Variants in GINM1 observed in about 807,000 individuals in gnomAD.
The protein encoded by GINM1 is glycoprotein integral membrane protein 1.
Under a neutral mutation model 37.8 loss-of-function variants are expected in GINM1, and 29 were observed. That is an observed-to-expected ratio of 0.77 (90% CI 0.57 to 1.05). The LOEUF is 1.05. Ranked by LOEUF, GINM1 falls within the 50% of genes least tolerant of loss-of-function variation. The probability of loss-of-function intolerance (pLI) is 0.00; values close to 1 mark genes in which losing one functional copy is unlikely to be tolerated. For missense variants in GINM1, 377 were observed against 397.9 expected (o/e 0.95, Z 0.45); for synonymous variants, 143 against 146.2 (o/e 0.98, Z 0.16).
intron 3 of GINM1, among the ~76,000 whole-genome samples, chr6:149,574,902 T>G (rs1342728119): frequency 6.6e-6 from 1 of 152,122 alleles, no homozygotes; most frequent in African/African-American, 2.4e-5. Flanking sequence ...ATAAATAAAT[T>G]TGTACTTTTA....
At chr6:149,582,364 T>A (rs918223239) in intron 6 of GINM1, 76 bp from the exon 7 acceptor site, 9 of 1,272,794 alleles carry the variant, frequency 7.1e-6, no homozygotes, top group Non-Finnish European at 1.0e-5. Context: ...ATCCCAAAGC[T>A]AAAACATTAA....
chr6:149,590,558 GTGACTT>G (rs1778139211), intron 7 of GINM1, among the ~76,000 whole-genome samples, 163 bp from the exon 8 acceptor site: 1 of 152,190 alleles, frequency 6.6e-6, no homozygotes, highest in East Asian at 1.9e-4. Context: ...TTTGGTTAAA[GTGACTT>G]TGGGCTCAGT....
In GINM1 at chr6:149,566,441, C is replaced by G. The variant is rs768725483; in HGVS notation, c.27C>G (p.Leu9=). Residue 9 remains leucine (L), a synonymous_variant, in exon 1 of 8, where the codon CTC becomes CTG. Transcript: ENST00000367419. The surrounding 1 kb of genome is among the most constrained non-coding windows in gnomAD (Gnocchi z 4.4). The part of the protein sequence containing the change: MEGAPPGS[L]ALRLLLFVAL... ...TGGAGGGCGCTCCACCGGGGTCGCTCGCCCTCCGGCTCCTGCTGTTCGTGG... is the reference window on the plus strand; with the variant it reads ...TGGAGGGCGCTCCACCGGGGTCGCTGGCCCTCCGGCTCCTGCTGTTCGTGG... 1 of 1,572,360 alleles carries G rather than the reference C, an allele frequency of 6.4e-7. No homozygotes were observed. The highest frequency in any genetic ancestry group is 8.5e-7 in the Non-Finnish European group (1 of 1,169,996).
At chr6:149,570,969 AT>A (rs1418021109) in intron 1 of GINM1, among the ~76,000 whole-genome samples, 1 of 152,172 alleles carries the variant, frequency 6.6e-6, no homozygotes, top group African/African-American at 2.4e-5. Flanking sequence ...TTGAGAGGCA[AT>A]AAAATTGGAG....
chr6:149,570,345 A>C (rs1777800912), intron 1 of GINM1, among the ~76,000 whole-genome samples: 1 of 151,736 alleles, frequency 6.6e-6, no homozygotes, highest in Non-Finnish European at 1.5e-5. Flanking sequence ...TTTGCAAAGG[A>C]GATCCATATG....
At chr6:149,586,515 T>C (rs1398800845) in intron 7 of GINM1, among the ~76,000 whole-genome samples, 1 of 152,238 alleles carries the variant, frequency 6.6e-6, no homozygotes, top group East Asian at 1.9e-4. Flanking sequence ...AAACCCAGCT[T>C]TGGAAAGATT....
chr6:149,579,695 CAAAAA>C (rs552907905), intron 4 of GINM1, 134 bp from the exon 5 acceptor site: 4 of 392,638 alleles, frequency 1.0e-5, no homozygotes, highest in East Asian at 4.2e-5. Context: ...AACTCCATCT[CAAAAA>C]AAAAAAAAAA....
intron 1 of GINM1, among the ~76,000 whole-genome samples, chr6:149,571,549 A>G (rs1478746113): frequency 6.6e-6 from 1 of 151,870 alleles, no homozygotes; most frequent in African/African-American, 2.4e-5. Flanking sequence ...CATATTGTTT[A>G]GAGAGAGAGA....
chr6:149,571,401 A>G (rs1313226379), intron 1 of GINM1, among the ~76,000 whole-genome samples: 1 of 152,222 alleles, frequency 6.6e-6, no homozygotes, highest in Non-Finnish European at 1.5e-5. Context: ...AATAGAATAA[A>G]TAAGTAAATT....
chr6:149,570,156 A>T (rs1207496050), intron 1 of GINM1, among the ~76,000 whole-genome samples: 42 of 47,280 alleles, frequency 8.9e-4, no homozygotes, highest in African/African-American at 4.1e-3. Flanking sequence ...ATATATATAT[A>T]TATATATATA....
chr6:149,582,682 A>C, intron 7 of GINM1, 79 bp downstream of exon 7: 1 of 1,017,670 alleles, frequency 9.8e-7, no homozygotes, highest in Non-Finnish European at 1.4e-6. Context: ...TTTAGAATAG[A>C]AAATATAAAA....
At chr6:149,584,229 C>T (rs950765882) in intron 7 of GINM1, among the ~76,000 whole-genome samples, 2 of 152,084 alleles carry the variant, frequency 1.3e-5, no homozygotes, top group Admixed American at 6.5e-5. Context: ...AGGTGGATCA[C>T]GTCTCGGCCT....
At chr6:149,572,911 C>T (rs1180148920) in intron 3 of GINM1, among the ~76,000 whole-genome samples, 3 of 152,218 alleles carry the variant, frequency 2.0e-5, no homozygotes, top group African/African-American at 7.2e-5. Context: ...AACCATCTAC[C>T]CTCCTCTGCC....
At chr6:149,577,838 C>T (rs924364468) in intron 3 of GINM1, among the ~76,000 whole-genome samples, 3 of 152,200 alleles carry the variant, frequency 2.0e-5, no homozygotes. Flanking sequence ...TTCGATAGCA[C>T]TTCTACCTTA....
chr6:149,575,311 T>C (rs1777897560), intron 3 of GINM1, among the ~76,000 whole-genome samples: 1 of 152,206 alleles, frequency 6.6e-6, no homozygotes, highest in Non-Finnish European at 1.5e-5. Flanking sequence ...TGGTCTGAGG[T>C]TTTATTTGTC....
chr6:149,585,101 T>C (rs536663148), intron 7 of GINM1, among the ~76,000 whole-genome samples: 128 of 152,324 alleles, frequency 8.4e-4, no homozygotes, highest in Non-Finnish European at 5.9e-5. Context: ...TGCCAGGAAG[T>C]TCCAAACTTT....
Position 149,582,490 on chromosome 6 carries a change from G to A in GINM1, c.768G>A (p.Trp256Ter), listed in dbSNP as rs1330120127. ...EKFRKDLCRF[W>*]SNVFPVFFQF... ...TTAGAAAAGATCTGTGTAGGTTCTG[G>A]AGCAACGTTTTCCCAGTATTCTTTC... The change falls in exon 7 of 8, where the codon TGG becomes TGA. Residue 256 changes from tryptophan (W) to a stop codon, truncating the protein, a stop_gained. Transcript: ENST00000367419. LOFTEE classifies it high-confidence loss of function. 4 of 1,612,288 alleles carry A rather than the reference G, an allele frequency of 2.5e-6. No homozygotes were observed. The South Asian group carries it at 4.4e-5, about 18-fold the overall frequency.
At chr6:149,574,574 T>A (rs1040578688) in intron 3 of GINM1, among the ~76,000 whole-genome samples, 7 of 152,214 alleles carry the variant, frequency 4.6e-5, no homozygotes, top group African/African-American at 1.7e-4. Flanking sequence ...ATTCTTTTAG[T>A]GGTTACCCTT....
At chr6:149,581,121 G>C (rs1049363298) in intron 6 of GINM1, among the ~76,000 whole-genome samples, 3 of 152,148 alleles carry the variant, frequency 2.0e-5, no homozygotes, top group African/African-American at 7.2e-5. Flanking sequence ...GCCCAGGCTT[G>C]AAACCTGGTT....
Sources: allele counts gnomAD v4.1 joint callset (sites outside exome capture counted in the v4.1 genomes callset), GRCh38; gene constraint gnomAD v4.1.1; non-coding constraint Gnocchi (gnomAD v3.1); transcripts MANE v1.5; gene names NCBI Gene and HGNC (gene_info 2026-07-23, HGNC 2026-07-21).